The following CACNA1E variants were observed in gnomAD, a reference collection of about 807,000 sequenced individuals.
CACNA1E encodes calcium voltage-gated channel subunit alpha1 E, also known as voltage-dependent R-type calcium channel subunit alpha-1E.
In CACNA1E, 40 loss-of-function variants were observed where a neutral mutation model predicts 259.2. The observed-to-expected ratio is 0.15, with a 90% confidence interval of 0.12 to 0.20. The LOEUF is 0.20. Ranked by LOEUF, CACNA1E falls within the 10% of genes least tolerant of loss-of-function variation. The pLI is 1.00. For synonymous variants in CACNA1E, 1,104 were observed against 1,138.5 expected, an observed-to-expected ratio of 0.97 and a Z score of 0.61; for missense variants, 1,874 against 3,040.1, an observed-to-expected ratio of 0.62 and a Z score of 9.02.
At position 181,613,359 on chromosome 1, in the gene CACNA1E, G is replaced by A. The variant is rs142863403; in HGVS notation, c.951+32583G>A. ...TAATAGCCTACTATGGGCTGGAAGC[G>A]TTACTGATAACGTAAGCTGTCCATT... is the stretch of plus-strand genomic sequence containing the variant. On this transcript the variant is annotated intron_variant, in intron 6 of 47. Transcript: ENST00000367573. Among the ~76,000 whole-genome samples, 20 of 152,222 alleles carry A rather than the reference G, an allele frequency of 1.3e-4. No homozygotes were observed. The South Asian group carries it at 1.5e-3, about 11-fold the overall frequency.
chr1:181,518,926 C>T (rs1263224497), intron 3 of CACNA1E, among the ~76,000 whole-genome samples: 5 of 152,130 alleles, frequency 3.3e-5, no homozygotes, highest in East Asian at 1.9e-4. Flanking sequence ...AAGAAAGCTT[C>T]GAAATCCCTG....
chr1:181,528,049 C>T (rs1667491339), intron 3 of CACNA1E, among the ~76,000 whole-genome samples: 2 of 151,802 alleles, frequency 1.3e-5, no homozygotes, highest in Non-Finnish European at 1.5e-5. Context: ...TTTTACTCCC[C>T]ATCTTTCCAC....
rs369522939 is a variant in CACNA1E, at chr1:181,798,320, T to A, written c.6428T>A (p.Ile2143Asn). ...QGTGSLSESS[I>N]PSVSDTSTPR... is the part of the protein sequence containing the mutation. ...ACAGGTTCCCTAAGTGAGAGCTCCA[T>A]CCCCTCTGTCTCTGACACCAGCACC... Residue 2143 changes from isoleucine (I) to asparagine (N), a missense_variant, in exon 48 of 48, where the codon ATC becomes AAC. Around this residue, in one of 14 missense-constraint regions of CACNA1E, gnomAD observed 542 missense variants for 587.2 expected, o/e 0.92. Coordinates refer to ENST00000367573, the MANE Select transcript of CACNA1E (RefSeq NM_001205293.3). The surrounding 1 kb of genome is among the most constrained non-coding windows in gnomAD (Gnocchi z 4.2). The A allele has an allele frequency of 3.1e-6, 5 of 1,602,104 alleles. No individual in the cohort carries two copies. The African/African-American group carries it at 6.7e-5, about 21-fold the overall frequency.
chr1:181,383,925 C>T (rs1243136156), intron 1 of CACNA1E, among the ~76,000 whole-genome samples: 1 of 152,246 alleles, frequency 6.6e-6, no homozygotes, highest in Non-Finnish European at 1.5e-5. Flanking sequence ...TGGCAGAGGG[C>T]AGCACTGCCC....
chr1:181,782,346 T>C (rs936696868), intron 39 of CACNA1E, among the ~76,000 whole-genome samples: 3 of 152,244 alleles, frequency 2.0e-5, no homozygotes, highest in African/African-American at 4.8e-5. Context: ...GGGGTGCTCA[T>C]AGCTTTTGGA....
At chr1:181,692,729 T>A (rs1382670883) in intron 7 of CACNA1E, among the ~76,000 whole-genome samples, 1 of 152,098 alleles carries the variant, frequency 6.6e-6, no homozygotes, top group Non-Finnish European at 1.5e-5. Context: ...ATTTTGGACA[T>A]CAGCCTTGAG....
intron 6 of CACNA1E, among the ~76,000 whole-genome samples, chr1:181,581,707 A>T (rs1372207442): frequency 6.6e-6 from 1 of 152,138 alleles, no homozygotes; most frequent in Non-Finnish European, 1.5e-5. Context: ...ATGTGGTTTG[A>T]TGTACATGGA....
intron 3 of CACNA1E, among the ~76,000 whole-genome samples, chr1:181,511,951 C>A (rs1666208542): frequency 6.6e-6 from 1 of 152,198 alleles, no homozygotes; most frequent in Non-Finnish European, 1.5e-5. Context: ...AGACCTCAGC[C>A]ATATTTTCTG....
In CACNA1E at chr1:181,413,916, G is replaced by A. The variant is rs376246789; in HGVS notation, c.434+336G>A. ...TTCTCTGAGCTTTCCTGAAAGCCAG[G>A]GAGAATCCTTCACAACGTGGATCAT... is the stretch of plus-strand genomic sequence containing the variant. On this transcript the variant is annotated intron_variant, in intron 2 of 11. Coordinates refer to the CACNA1E transcript ENST00000524607. 4.4e-4 allele frequency among the ~76,000 whole-genome samples: 67 copies of A among 152,364 alleles called. 1 individual carries two copies. Among genetic ancestry groups the A allele is most frequent in the Admixed American group, 7.8e-4 (12 of 15,310 alleles).
chr1:181,499,106 A>G (rs913023355), intron 1 of CACNA1E, among the ~76,000 whole-genome samples: 16 of 152,164 alleles, frequency 1.1e-4, no homozygotes, highest in African/African-American at 2.4e-5. Flanking sequence ...ATAATATAAA[A>G]CTCAATAGGC....
At chr1:181,593,416 T>C (rs554325426) in intron 6 of CACNA1E, among the ~76,000 whole-genome samples, 5 of 152,342 alleles carry the variant, frequency 3.3e-5, no homozygotes, top group Non-Finnish European at 5.9e-5. Context: ...ATTTTGTACA[T>C]ATTGAAAAAC....
intron 3 of CACNA1E, among the ~76,000 whole-genome samples, chr1:181,528,574 T>A (rs1667536236): frequency 6.6e-6 from 1 of 152,198 alleles, no homozygotes; most frequent in South Asian, 2.1e-4. Flanking sequence ...TCTTAGAGAC[T>A]TGTTGAATGG....
At chr1:181,450,155 A>G (rs613012) in intron 2 of CACNA1E, among the ~76,000 whole-genome samples, 88,056 of 152,022 alleles carry the variant, frequency 0.58, 27,138 homozygotes, top group African/African-American at 0.8. Context: ...ACACACTTTC[A>G]AACAACCAGA....
chr1:181,604,349 A>G (rs1295595927), intron 6 of CACNA1E, among the ~76,000 whole-genome samples: 1 of 152,218 alleles, frequency 6.6e-6, no homozygotes, highest in Non-Finnish European at 1.5e-5. Flanking sequence ...TATAACACAT[A>G]GAACTTTCCC....
chr1:181,640,962 G>A (rs1657692617), intron 6 of CACNA1E, among the ~76,000 whole-genome samples: 1 of 152,156 alleles, frequency 6.6e-6, no homozygotes, highest in South Asian at 2.1e-4. Context: ...ATGTAAAAGA[G>A]ACAGAACACA....
rs546974046 is a variant in CACNA1E at position 181,465,219 on chromosome 1, TC to T, written c.435-18524del. 1.1e-3 allele frequency among the ~76,000 whole-genome samples: 174 copies of T among 152,320 alleles called. 1 individual carries two copies. Among genetic ancestry groups the T allele is most frequent in the African/African-American group, 4.0e-3 (168 of 41,584 alleles). ...TCTAATTGCTGCTTCTTGTAGGTAA[TC>T]TGTCTTTCCTCTCAGGATGCTTTTA... On this transcript the variant is annotated intron_variant, in intron 2 of 11. Coordinates refer to the CACNA1E transcript ENST00000524607.
At chr1:181,482,488 G>A (rs77185697), upstream of CACNA1E, among the ~76,000 whole-genome samples, 15,939 of 152,326 alleles carry the variant, frequency 0.1, 1,006 homozygotes, top group Non-Finnish European at 0.14. Context: ...GCTACCCTTT[G>A]GCCACATAAA....
At chr1:181,797,690 C>T (rs963008688) in intron 47 of CACNA1E, among the ~76,000 whole-genome samples, 16 of 152,208 alleles carry the variant, frequency 1.1e-4, no homozygotes, top group Admixed American at 1.0e-3. Context: ...AAGAAATGCT[C>T]TCCTGGAGGT....
chr1:181,712,897 C>T (rs1172845326), intron 8 of CACNA1E, among the ~76,000 whole-genome samples: 2 of 152,108 alleles, frequency 1.3e-5, no homozygotes, highest in Non-Finnish European at 2.9e-5. Flanking sequence ...GTATGCTGCT[C>T]GCTGGGGCTC....
Sources: allele counts gnomAD v4.1 joint callset (sites outside exome capture counted in the v4.1 genomes callset), GRCh38; gene constraint gnomAD v4.1.1; regional missense constraint gnomAD v4.1.1; non-coding constraint Gnocchi (gnomAD v3.1); transcripts MANE v1.5; gene names NCBI Gene and HGNC (gene_info 2026-07-23, HGNC 2026-07-21).